FGF14: variants seen among roughly 807,000 people sequenced by gnomAD.
The protein encoded by FGF14 is fibroblast growth factor 14, also known as fibroblast growth factor homologous factor 4.
In FGF14, 5 loss-of-function variants were observed where a neutral mutation model predicts 25.5. That is an observed-to-expected ratio of 0.20 (90% confidence interval 0.10 to 0.41). The LOEUF is 0.41. Ranked by LOEUF, FGF14 falls within the 10% of genes least tolerant of loss-of-function variation. The pLI is 1.00. For missense variants in FGF14, 222 were observed against 320.1 expected, an observed-to-expected ratio of 0.69 and a Z score of 2.34; for synonymous variants, 138 against 118.3, an observed-to-expected ratio of 1.17 and a Z score of -1.08.
At chr13:101,827,101 T>G (rs1566947495) in intron 3 of FGF14, among the ~76,000 whole-genome samples, 1 of 152,040 alleles carries the variant, frequency 6.6e-6, no homozygotes, top group Non-Finnish European at 1.5e-5. Flanking sequence ...AAATTTCTAT[T>G]TTTGTTAATA....
At chr13:101,776,653 G>C (rs902442333) in intron 3 of FGF14, among the ~76,000 whole-genome samples, 2 of 152,186 alleles carry the variant, frequency 1.3e-5, no homozygotes, top group Non-Finnish European at 2.9e-5. Flanking sequence ...TTCTTCCACA[G>C]CACATCTCAT....
intron 1 of FGF14, among the ~76,000 whole-genome samples, chr13:102,302,844 T>A (rs1028867344): frequency 2.0e-5 from 3 of 152,182 alleles, no homozygotes; most frequent in African/African-American, 7.2e-5. Context: ...CAATCTCTAG[T>A]ATTTCATTCT....
intron 1 of FGF14, among the ~76,000 whole-genome samples, chr13:101,971,578 T>C (rs1310441310): frequency 1.3e-5 from 2 of 152,176 alleles, no homozygotes; most frequent in Non-Finnish European, 2.9e-5. Flanking sequence ...TGCCATGTCG[T>C]CTAGGCTGGT....
Position 101,713,344 on chromosome 13 carries a change from C to T in FGF14, c.*9487G>A, listed in dbSNP as rs2034567503. The T allele has an allele frequency of 6.6e-6, 1 of 152,098 alleles. No homozygotes were observed. The highest frequency in any genetic ancestry group is 2.4e-5 in the African/African-American group (1 of 41,418). The allele number at this position is 152,098 out of a possible 1,614,324, so 9.4% of individuals were successfully genotyped here. On this transcript the variant is annotated 3_prime_UTR_variant, in exon 5 of 5. Transcript: ENST00000376143. ...AAGAAGCACTAATGATTGATTCTTG[C>T]CCCTTTTCAATATATTTTGAACTTA...
intron 1 of FGF14, among the ~76,000 whole-genome samples, chr13:102,195,915 T>C (rs553593298): frequency 5.3e-5 from 8 of 151,436 alleles, no homozygotes; most frequent in African/African-American, 1.9e-4. Flanking sequence ...ATTTGGATAA[T>C]GATTTTTCTG....
chr13:101,733,369 A>G (rs539169910), intron 3 of FGF14, among the ~76,000 whole-genome samples: 2 of 152,170 alleles, frequency 1.3e-5, no homozygotes, highest in Admixed American at 6.5e-5. Flanking sequence ...AGGCCAAGGC[A>G]GGCGATCATG....
chr13:102,330,818 C>T (rs563268232), intron 1 of FGF14, among the ~76,000 whole-genome samples: 142 of 152,270 alleles, frequency 9.3e-4, no homozygotes, highest in Non-Finnish European at 1.7e-3. Flanking sequence ...GTATTTATTT[C>T]TTCACTATCT....
intron 1 of FGF14, among the ~76,000 whole-genome samples, chr13:101,983,313 G>C (rs924438462): frequency 1.3e-5 from 2 of 152,080 alleles, no homozygotes. Context: ...GAATTATAAA[G>C]GGGTCCAATA....
intron 1 of FGF14, among the ~76,000 whole-genome samples, chr13:102,346,234 A>G (rs2057101744): frequency 6.6e-6 from 1 of 152,232 alleles, no homozygotes; most frequent in Admixed American, 6.5e-5. Context: ...ATTTAAAGAC[A>G]TTGTAAATAG....
chr13:102,161,695 A>T (rs551873771), intron 1 of FGF14, among the ~76,000 whole-genome samples: 5,787 of 117,270 alleles, frequency 0.049, 392 homozygotes, highest in East Asian at 0.37. Flanking sequence ...GAAGAAGAAG[A>T]AGAAGAAGAA....
At chr13:101,796,398 T>A (rs1379466378) in intron 3 of FGF14, among the ~76,000 whole-genome samples, 1 of 152,032 alleles carries the variant, frequency 6.6e-6, no homozygotes, top group Non-Finnish European at 1.5e-5. Context: ...TCTGCTATAA[T>A]GTTGAGCCTG....
chr13:102,384,298 C>G (rs1474485867), intron 1 of FGF14, among the ~76,000 whole-genome samples: 1 of 152,048 alleles, frequency 6.6e-6, no homozygotes. Flanking sequence ...CAAAGAACTA[C>G]TAGAGGTATA....
At position 101,710,809 on chromosome 13, in the gene FGF14, T is replaced by C. The variant is rs569989217; in HGVS notation, c.*12022A>G. 1 of 152,300 alleles carries C rather than the reference T, an allele frequency of 6.6e-6. No individual in the cohort carries two copies. The highest frequency in any genetic ancestry group is 1.9e-4 in the East Asian group (1 of 5,174). The allele number at this position is 152,300 out of a possible 1,614,324, so 9.4% of individuals were successfully genotyped here. ...ATAAAGCTGTCACCTCAGGAGACGA[T>C]GAAGAAATAGCGTTTTATTTCTTTA... On this transcript the variant is annotated 3_prime_UTR_variant, in exon 5 of 5. Transcript: ENST00000376143.
intron 1 of FGF14, among the ~76,000 whole-genome samples, chr13:102,272,940 TAAAC>T (rs147325253): frequency 3.9e-5 from 6 of 152,274 alleles, no homozygotes; most frequent in South Asian, 2.1e-4. Flanking sequence ...TTTAATTTAA[TAAAC>T]AAATATATCT....
intron 1 of FGF14, among the ~76,000 whole-genome samples, chr13:102,388,283 A>T (rs761255336): frequency 1.3e-5 from 2 of 152,200 alleles, no homozygotes; most frequent in Non-Finnish European, 2.9e-5. Context: ...TAGCAAAGTG[A>T]CTCCAAATTG....
chr13:102,049,992 T>C (rs1003771842), intron 1 of FGF14, among the ~76,000 whole-genome samples: 13 of 142,570 alleles, frequency 9.1e-5, no homozygotes, highest in Admixed American at 8.3e-4. Context: ...TCCAACCAGT[T>C]TGGGACACTT....
chr13:102,076,926 T>C (rs1357007995), intron 1 of FGF14, among the ~76,000 whole-genome samples: 3 of 151,998 alleles, frequency 2.0e-5, no homozygotes, highest in African/African-American at 7.2e-5. Flanking sequence ...CATAGAGTAA[T>C]AGAACAGACA....
chr13:101,812,715 T>C (rs2041640392), intron 3 of FGF14, among the ~76,000 whole-genome samples: 1 of 130,388 alleles, frequency 7.7e-6, no homozygotes, highest in Non-Finnish European at 1.6e-5. Context: ...AAGGTTGGAG[T>C]GCAATGGCGC....
chr13:102,323,943 T>A (rs1471877922), intron 1 of FGF14, among the ~76,000 whole-genome samples: 1 of 147,764 alleles, frequency 6.8e-6, no homozygotes, highest in Non-Finnish European at 1.5e-5. Context: ...CTTTAAAGGA[T>A]CCCAACGTGC....
Sources: gnomAD v4.1 joint callset for allele counts (sites outside exome capture counted in the v4.1 genomes callset) on GRCh38, gnomAD v4.1.1 for gene constraint, MANE v1.5 for transcripts, NCBI Gene and HGNC (gene_info 2026-07-23, HGNC 2026-07-21) for gene names.